SLC16A5: variants seen among roughly 807,000 people sequenced by gnomAD.
SLC16A5 encodes the protein solute carrier family 16 member 5, also known as monocarboxylate transporter 6.
In SLC16A5, 29 loss-of-function variants were observed where a neutral mutation model predicts 33.2. The ratio of observed to expected loss-of-function variants is 0.87; its 90% confidence interval spans 0.65 to 1.19. The LOEUF (loss-of-function observed/expected upper bound fraction) is 1.19, where lower values mean the gene tolerates loss of function less well. SLC16A5 is among the 50% of genes most tolerant of loss of function. The probability of loss-of-function intolerance (pLI) is 0.00; values close to 1 mark genes in which losing one functional copy is unlikely to be tolerated. For synonymous variants in SLC16A5, 248 were observed against 284.1 expected, an observed-to-expected ratio of 0.87 and a Z score of 1.28; for missense variants, 606 against 678.2, an observed-to-expected ratio of 0.89 and a Z score of 1.18.
downstream of SLC16A5, among the ~76,000 whole-genome samples, chr17:75,107,321 C>T (rs1041283923): frequency 6.6e-6 from 1 of 151,962 alleles, no homozygotes; most frequent in Non-Finnish European, 1.5e-5. Flanking sequence ...AAAAAGGTAT[C>T]AATGAATGTT....
Position 75,099,875 on chromosome 17 carries a change from C to T in SLC16A5, c.344-132C>T. 3 of 865,358 alleles carry T rather than the reference C, an allele frequency of 3.5e-6. No homozygotes were observed. The South Asian group carries it at 5.3e-5, about 15-fold the overall frequency. 53.6% of individuals were successfully genotyped at this position (865,358 alleles called of 1,614,324 possible). ...GCCAGCTGATTCCATGGTCAGTCCC[C>T]AGGGACTTGGAGCTGGGTATGGACT... On this transcript the variant is annotated intron_variant, in intron 4 of 6. Transcript: ENST00000329783.
At chr17:75,106,398 T>A (rs1326926081), downstream of SLC16A5, among the ~76,000 whole-genome samples, 2 of 152,022 alleles carry the variant, frequency 1.3e-5, no homozygotes, top group Non-Finnish European at 2.9e-5. Flanking sequence ...CTTTTGGTGC[T>A]AGTATCCACC....
intron 5 of SLC16A5, among the ~76,000 whole-genome samples, chr17:75,102,517 G>A (rs1245439483): frequency 6.6e-6 from 1 of 152,156 alleles, no homozygotes; most frequent in African/African-American, 2.4e-5. Context: ...ATGATGCGAG[G>A]GAAACCAAAT....
At chr17:75,088,543 G>A (rs2073598317) in intron 1 of SLC16A5, among the ~76,000 whole-genome samples, 1 of 152,182 alleles carries the variant, frequency 6.6e-6, no homozygotes, top group African/African-American at 2.4e-5. Context: ...CCACAGGGTT[G>A]AGGGTTCCTC....
chr17:75,107,348 C>T (rs1405824600), downstream of SLC16A5, among the ~76,000 whole-genome samples: 1 of 152,106 alleles, frequency 6.6e-6, no homozygotes, highest in Non-Finnish European at 1.5e-5. Flanking sequence ...AGGAAACTTT[C>T]ATCTCACCTG....
intron 6 of SLC16A5, chr17:75,104,570 G>GC: frequency 3.0e-6 from 2 of 659,820 alleles, no homozygotes; most frequent in Non-Finnish European, 3.8e-6. Flanking sequence ...TCCTGCCTCT[G>GC]CCCCCCAAGT....
At position 75,104,220 on chromosome 17, in the gene SLC16A5, G is replaced by A. The variant is rs770999691; in HGVS notation, c.1364+40G>A. Reference sequence around the variant, plus strand: ...TCTAAGACCCAGGGTTCATCTGTGTGACCAGTGTCTGAGTCCTGGGATCAC... The same window carrying A: ...TCTAAGACCCAGGGTTCATCTGTGTAACCAGTGTCTGAGTCCTGGGATCAC... On this transcript the variant is annotated intron_variant, in intron 6 of 6. Coordinates refer to ENST00000329783, the MANE Select transcript of SLC16A5 (RefSeq NM_004695.4). The A allele has an allele frequency of 4.4e-6, 7 of 1,604,426 alleles. No individual in the cohort carries two copies. The South Asian group carries it at 6.7e-5, about 15-fold the overall frequency.
At chr17:75,096,899 C>T (rs866518360) in intron 3 of SLC16A5, among the ~76,000 whole-genome samples, 97 of 127,870 alleles carry the variant, frequency 7.6e-4, no homozygotes, top group Admixed American at 4.1e-3. Flanking sequence ...CAGGATGGAG[C>T]GCATCGGGTT....
At chr17:75,090,828 G>C (rs537592021) in intron 2 of SLC16A5, among the ~76,000 whole-genome samples, 19 of 152,238 alleles carry the variant, frequency 1.2e-4, no homozygotes, top group South Asian at 4.1e-4. Context: ...GGGGCCTGGA[G>C]AGAGGAGATG....
chr17:75,107,197 G>A (rs2073869990), downstream of SLC16A5, among the ~76,000 whole-genome samples: 1 of 101,614 alleles, frequency 9.8e-6, no homozygotes, highest in Admixed American at 9.9e-5. Flanking sequence ...CCACTCAGGA[G>A]GCAGAGGTGG....
At chr17:75,094,422 T>C (rs4788864) in intron 3 of SLC16A5, among the ~76,000 whole-genome samples, 116,602 of 152,198 alleles carry the variant, frequency 0.77, 45,319 homozygotes, top group African/African-American at 0.84. Flanking sequence ...CGCGATGGCT[T>C]ACGCCTGTAA....
downstream of SLC16A5, among the ~76,000 whole-genome samples, chr17:75,108,028 T>TGG (rs201508763): frequency 0.018 from 2,672 of 151,954 alleles, 36 homozygotes; most frequent in Non-Finnish European, 0.03. Flanking sequence ...CACTTGAATC[T>TGG]GAGGCGGAGG....
Position 75,098,174 on chromosome 17 carries a change from C to T in SLC16A5, c.336C>T (p.Phe112=), listed in dbSNP as rs760409614. 4 of 1,613,052 alleles carry T rather than the reference C, an allele frequency of 2.5e-6. 1 individual carries two copies. Among genetic ancestry groups the T allele is most frequent in the South Asian group, 2.2e-5 (2 of 90,904 alleles). ...GCCAGCTCTACTTCACAGCAGGATT[C>T]ATCACAGGTGACTATCACTTCATCT... ...NLSQLYFTAG[F]ITGLGMCFSF... is the part of the protein sequence containing the mutation. Residue 112 remains phenylalanine (F), a synonymous_variant, in exon 4 of 7, where the codon TTC becomes TTT. Transcript: ENST00000329783.
In SLC16A5 at chr17:75,104,118, GGAGC is replaced by G. The variant is rs1210932332; in HGVS notation, c.1304_1307del (p.Glu435GlyfsTer75). On this transcript the variant is annotated frameshift_variant, in exon 6 of 7. Coordinates refer to ENST00000329783, the MANE Select transcript of SLC16A5 (RefSeq NM_004695.4). LOFTEE classifies it high-confidence loss of function. ...AGCAGGCTGTCGCGGCGGATGCCCTGGAGCGGGATCTTTTCTTGGAAGCCAAAGA... is the reference window on the plus strand; with the variant it reads ...AGCAGGCTGTCGCGGCGGATGCCCTGGGGATCTTTTCTTGGAAGCCAAAGA... The G allele has an allele frequency of 6.2e-7, 1 of 1,614,236 alleles. No homozygotes were observed. The highest frequency in any genetic ancestry group is 2.2e-5 in the East Asian group (1 of 44,876).
chr17:75,108,285 A>G (rs751130717), downstream of SLC16A5, among the ~76,000 whole-genome samples: 5 of 152,188 alleles, frequency 3.3e-5, no homozygotes, highest in Admixed American at 6.5e-5. Flanking sequence ...TCTGTCCAGC[A>G]AGAGGCAGAG....
chr17:75,088,231 A>T (rs2073593651), intron 1 of SLC16A5, among the ~76,000 whole-genome samples, 187 bp downstream of exon 1: 1 of 152,014 alleles, frequency 6.6e-6, no homozygotes, highest in South Asian at 2.1e-4. Context: ...TGGGGTGATG[A>T]CCCGCAAGCC....
intron 5 of SLC16A5, 79 bp downstream of exon 5, chr17:75,100,895 A>G: frequency 7.5e-7 from 1 of 1,328,680 alleles, no homozygotes; most frequent in Non-Finnish European, 1.0e-6. Context: ...CCAGTCCAGC[A>G]TCTCCAGAGG....
chr17:75,090,239 G>A (rs1460428321), intron 2 of SLC16A5: 2 of 152,168 alleles, frequency 1.3e-5, no homozygotes, highest in Non-Finnish European at 2.9e-5. Context: ...GTGAGCCACC[G>A]TGTCTGGCAG....
At chr17:75,101,335 T>G (rs1277606658) in intron 5 of SLC16A5, among the ~76,000 whole-genome samples, 9 of 143,134 alleles carry the variant, frequency 6.3e-5, no homozygotes, top group African/African-American at 1.0e-4. Context: ...CTGAGGCGGG[T>G]GGATCACGAG....
Sources: allele counts gnomAD v4.1 joint callset (sites outside exome capture counted in the v4.1 genomes callset), GRCh38; gene constraint gnomAD v4.1.1; transcripts MANE v1.5; gene names NCBI Gene and HGNC (gene_info 2026-07-23, HGNC 2026-07-21).